CUL3: variants seen among roughly 807,000 people sequenced by gnomAD.
CUL3 encodes the protein cullin 3.
CUL3 carries 19 observed loss-of-function variants against 89.1 expected under a neutral mutation model. The observed-to-expected ratio is 0.21, with a 90% CI of 0.15 to 0.31. CUL3 has a LOEUF of 0.31. CUL3 is among the 10% of genes least tolerant of loss of function. CUL3 has a pLI of 1.00. For synonymous variants in CUL3, 351 were observed against 308.4 expected, an observed-to-expected ratio of 1.14 and a Z score of -1.45; for missense variants, 469 against 942.3, an observed-to-expected ratio of 0.50 and a Z score of 6.58.
intron 1 of CUL3, chr2:224,563,410 C>A: frequency 2.9e-6 from 1 of 342,238 alleles, no homozygotes; most frequent in Non-Finnish European, 5.8e-6. Flanking sequence ...TCCAGAGGTT[C>A]CTAAAACAAT....
At chr2:224,501,909 A>G (rs570364965) in intron 10 of CUL3, among the ~76,000 whole-genome samples, 32 of 152,210 alleles carry the variant, frequency 2.1e-4, no homozygotes, top group Non-Finnish European at 4.6e-4. Context: ...AAAATACAAG[A>G]AAATATATCA....
chr2:224,542,327 C>A (rs116390015), intron 2 of CUL3, among the ~76,000 whole-genome samples: 3 of 152,142 alleles, frequency 2.0e-5, no homozygotes, highest in Non-Finnish European at 4.4e-5. Flanking sequence ...CAAAAGGAAA[C>A]CTTTTTCTTT....
At chr2:224,490,924 A>G (rs1691947559) in intron 13 of CUL3, among the ~76,000 whole-genome samples, 1 of 152,224 alleles carries the variant, frequency 6.6e-6, no homozygotes, top group African/African-American at 2.4e-5. Context: ...ATTATTACAC[A>G]CTATATGCTT....
In CUL3 at chr2:224,584,933, G is replaced by GA. The variant is rs1559252761; in HGVS notation, c.66+10dup. The GA allele has an allele frequency of 6.8e-7, 1 of 1,474,920 alleles. No homozygotes were observed. The highest frequency in any genetic ancestry group is 9.1e-7 in the Non-Finnish European group (1 of 1,100,654). The allele number at this position is 1,474,920 out of a possible 1,614,324, so 91.4% of individuals were successfully genotyped here. ...CGGCCCCGGGGTCCCGGACGCCGAG[G>GA]AGAGACTCACCGGAAAGGCCCGGAT... On this transcript the variant is annotated intron_variant, in intron 1 of 15. Transcript: ENST00000264414.
chr2:224,519,269 T>TTTA (rs1361881389), intron 3 of CUL3, among the ~76,000 whole-genome samples: 14 of 152,318 alleles, frequency 9.2e-5, no homozygotes, highest in African/African-American at 3.4e-4. Context: ...GAATTTTATG[T>TTTA]TTAGCACATG....
chr2:224,500,932 G>C (rs1384340075), intron 10 of CUL3, among the ~76,000 whole-genome samples: 1 of 152,080 alleles, frequency 6.6e-6, no homozygotes, highest in African/African-American at 2.4e-5. Context: ...CAAAAAAACA[G>C]ATTTCCTTAA....
chr2:224,475,345 A>C (rs1200865938), intron 15 of CUL3, among the ~76,000 whole-genome samples: 1 of 152,210 alleles, frequency 6.6e-6, no homozygotes, highest in Non-Finnish European at 1.5e-5. Context: ...CTGCAAAATA[A>C]GTTGTCTCAT....
At chr2:224,555,290 A>G (rs1314205391) in intron 2 of CUL3, among the ~76,000 whole-genome samples, 4 of 152,182 alleles carry the variant, frequency 2.6e-5, no homozygotes, top group Admixed American at 6.5e-5. Context: ...TGGTGGCACT[A>G]TAATTCTCCC....
chr2:224,549,225 G>C (rs898822782), intron 2 of CUL3, among the ~76,000 whole-genome samples: 1 of 151,786 alleles, frequency 6.6e-6, no homozygotes, highest in Non-Finnish European at 1.5e-5. Flanking sequence ...GCTGAGGCAC[G>C]AGATTTGCTT....
intron 3 of CUL3, among the ~76,000 whole-genome samples, chr2:224,528,405 C>T (rs11688390): frequency 0.18 from 28,140 of 152,166 alleles, 2,952 homozygotes; most frequent in South Asian, 0.27. Context: ...TTACATCAGG[C>T]CCAGGGGAAC....
chr2:224,565,500 T>C (rs528286451), intron 1 of CUL3, among the ~76,000 whole-genome samples: 81 of 152,332 alleles, frequency 5.3e-4, no homozygotes, highest in African/African-American at 1.8e-3. Flanking sequence ...GCTTTTTCAT[T>C]CCTCTAAAAA....
intron 1 of CUL3, among the ~76,000 whole-genome samples, chr2:224,583,652 GT>G (rs1695496572): frequency 6.6e-6 from 1 of 152,178 alleles, no homozygotes; most frequent in Non-Finnish European, 1.5e-5. Flanking sequence ...CAAAGCAGAG[GT>G]TTTCGCACAC....
intron 1 of CUL3, among the ~76,000 whole-genome samples, chr2:224,566,012 T>C (rs1695032531): frequency 6.6e-6 from 1 of 152,234 alleles, no homozygotes; most frequent in Non-Finnish European, 1.5e-5. Context: ...AATGACAATC[T>C]TTTCCATAGA....
intron 1 of CUL3, among the ~76,000 whole-genome samples, chr2:224,569,111 A>G (rs1479107492): frequency 1.3e-5 from 2 of 152,204 alleles, no homozygotes; most frequent in Non-Finnish European, 2.9e-5. Context: ...TTAAAAGAGA[A>G]GTAACATTCT....
intron 3 of CUL3, among the ~76,000 whole-genome samples, chr2:224,534,589 T>G (rs1159864740): frequency 6.6e-6 from 1 of 152,198 alleles, no homozygotes; most frequent in Admixed American, 6.5e-5. Context: ...TTTCCATATT[T>G]TCCATTTTAA....
At chr2:224,529,399 C>T (rs1015976786) in intron 3 of CUL3, among the ~76,000 whole-genome samples, 1 of 150,088 alleles carries the variant, frequency 6.7e-6, no homozygotes, top group African/African-American at 2.5e-5. Context: ...AGGCAGATCA[C>T]GAGGTCAGGA....
At chr2:224,564,575 C>T (rs892867755) in intron 1 of CUL3, among the ~76,000 whole-genome samples, 3 of 152,088 alleles carry the variant, frequency 2.0e-5, no homozygotes, top group Non-Finnish European at 4.4e-5. Context: ...GTAAATTAAA[C>T]GTCATAGGAA....
chr2:224,563,746 C>T (rs569733653), intron 1 of CUL3, among the ~76,000 whole-genome samples: 34 of 152,274 alleles, frequency 2.2e-4, no homozygotes, highest in African/African-American at 8.2e-4. Flanking sequence ...ATGTTACACA[C>T]CCCACACCCA....
Position 224,523,387 on chromosome 2 carries a change from T to TAA in CUL3, c.379-8617_379-8616dup, listed in dbSNP as rs35075378. Reference sequence around the variant, plus strand: ...CTCATACCCATTAGAAGAGTTACTATAAAAAAAAAAAACACAAAACACAAA... The same window carrying TAA: ...CTCATACCCATTAGAAGAGTTACTATAAAAAAAAAAAAAACACAAAACACAAA... On this transcript the variant is annotated intron_variant, in intron 3 of 15. Transcript: ENST00000264414. 3.7e-3 allele frequency among the ~76,000 whole-genome samples: 535 copies of TAA among 144,814 alleles called. 3 individuals are homozygous for TAA. The highest frequency in any genetic ancestry group is 9.7e-3 in the African/African-American group (379 of 39,270).
Sources: gnomAD v4.1 joint callset for allele counts (sites outside exome capture counted in the v4.1 genomes callset) on GRCh38, gnomAD v4.1.1 for gene constraint, MANE v1.5 for transcripts, NCBI Gene and HGNC (gene_info 2026-07-23, HGNC 2026-07-21) for gene names.